YES1: variants seen among roughly 807,000 people sequenced by gnomAD.
YES1 encodes YES proto-oncogene 1, Src family tyrosine kinase.
YES1 carries 39 observed loss-of-function variants against 70.4 expected under a neutral mutation model. The observed-to-expected ratio is 0.55, with a 90% CI of 0.43 to 0.72. The LOEUF is 0.72. Ranked by LOEUF, YES1 falls within the 30% of genes least tolerant of loss-of-function variation. The pLI is 0.00. For synonymous variants in YES1, 198 were observed against 218.6 expected, an observed-to-expected ratio of 0.91 and a Z score of 0.83; for missense variants, 495 against 644.8, an observed-to-expected ratio of 0.77 and a Z score of 2.52.
At chr18:766,763 G>C (rs1288809528) in intron 1 of YES1, among the ~76,000 whole-genome samples, 1 of 152,010 alleles carries the variant, frequency 6.6e-6, no homozygotes, top group Non-Finnish European at 1.5e-5. Context: ...TAAAGTGTCT[G>C]TTCAAATCAA....
chr18:797,402 A>C (rs1245973807), intron 1 of YES1, among the ~76,000 whole-genome samples: 1 of 152,148 alleles, frequency 6.6e-6, no homozygotes, highest in East Asian at 1.9e-4. Flanking sequence ...TCACCAAAAG[A>C]AAAAGCAACA....
At chr18:739,911 G>C (rs554793420) in intron 8 of YES1, 100 bp from the exon 9 acceptor site, 2 of 861,474 alleles carry the variant, frequency 2.3e-6, no homozygotes, top group Non-Finnish European at 3.3e-6. Flanking sequence ...AAACTTCTTA[G>C]CTTTTCATTT....
intron 1 of YES1, among the ~76,000 whole-genome samples, chr18:789,189 A>G (rs1906115141): frequency 6.6e-6 from 1 of 152,214 alleles, no homozygotes; most frequent in African/African-American, 2.4e-5. Context: ...AATGGTACAC[A>G]AGGTATTTTT....
intron 1 of YES1, among the ~76,000 whole-genome samples, chr18:784,513 C>T (rs918222234): frequency 2.0e-5 from 3 of 152,338 alleles, no homozygotes; most frequent in Admixed American, 6.5e-5. Context: ...TAAAACAATA[C>T]AAACGTATTT....
At chr18:804,034 T>C (rs1329915351) in intron 1 of YES1, among the ~76,000 whole-genome samples, 1 of 152,238 alleles carries the variant, frequency 6.6e-6, no homozygotes, top group African/African-American at 2.4e-5. Flanking sequence ...TTTCTTTGTT[T>C]TAGAAAATCT....
Position 756,629 on chromosome 18 carries a change from C to T in YES1, c.199G>A (p.Gly67Arg), listed in dbSNP as rs201966473. 3.7e-4 allele frequency: 591 copies of T among 1,614,192 alleles called. 1 individual carries two copies. Among genetic ancestry groups the T allele is most frequent in the Non-Finnish European group, 4.1e-4 (487 of 1,180,040 alleles). Residue 67 changes from glycine (G) to arginine (R), a missense_variant, in exon 2 of 12, where the codon GGG becomes AGG. Transcript: ENST00000314574. ...GATGCACCTCCAAAAGGCGTTACCC[C>T]TGAGGATCCTCCAAATGGTGTCATG... is the stretch of plus-strand genomic sequence containing the variant. ...LSMTPFGGSSGVTPFGGASSS... is the reference protein window; with the variant it reads ...LSMTPFGGSSRVTPFGGASSS...
chr18:750,425 T>C (rs1371492374), intron 3 of YES1, among the ~76,000 whole-genome samples: 1 of 152,214 alleles, frequency 6.6e-6, no homozygotes, highest in Non-Finnish European at 1.5e-5. Flanking sequence ...GACTTGATCA[T>C]TCTTTGTTGT....
chr18:727,650 G>T (rs2080037061), intron 11 of YES1, among the ~76,000 whole-genome samples: 1 of 152,018 alleles, frequency 6.6e-6, no homozygotes, highest in Non-Finnish European at 1.5e-5. Flanking sequence ...TTGGTTTATT[G>T]TATGTTACTC....
intron 1 of YES1, among the ~76,000 whole-genome samples, chr18:769,166 C>T (rs1037807573): frequency 1.3e-5 from 2 of 152,194 alleles, no homozygotes; most frequent in Non-Finnish European, 2.9e-5. Flanking sequence ...TATGTAAGCA[C>T]ACTGCATGAT....
chr18:810,392 T>C (rs1038094957), intron 1 of YES1, among the ~76,000 whole-genome samples: 6 of 152,332 alleles, frequency 3.9e-5, no homozygotes, highest in Middle Eastern at 3.4e-3. Flanking sequence ...GTATTAATAT[T>C]ATACTTCGAC....
chr18:757,497 C>T (rs1211647121), intron 1 of YES1, among the ~76,000 whole-genome samples: 27 of 117,324 alleles, frequency 2.3e-4, no homozygotes, highest in Admixed American at 5.9e-4. Context: ...AGCGAGACTC[C>T]GTCTCAAAAA....
intron 3 of YES1, among the ~76,000 whole-genome samples, chr18:749,621 C>G (rs1462456112): frequency 6.6e-6 from 1 of 151,784 alleles, no homozygotes; most frequent in Admixed American, 6.6e-5. Flanking sequence ...TTTGGGAGAC[C>G]GAGGCAGGCG....
chr18:732,448 A>AC (rs1435405944), intron 11 of YES1, among the ~76,000 whole-genome samples: 5 of 146,080 alleles, frequency 3.4e-5, no homozygotes, highest in East Asian at 4.0e-4. Context: ...AAAAAAAAAA[A>AC]AAAAAAAAAC....
chr18:784,808 G>A (rs995594458), intron 1 of YES1, among the ~76,000 whole-genome samples: 1 of 152,142 alleles, frequency 6.6e-6, no homozygotes, highest in Non-Finnish European at 1.5e-5. Context: ...GATAAGCCAG[G>A]ATAAACTCTC....
rs1432339941 is a variant in YES1 at position 722,979 on chromosome 18, C to T, written c.*1445G>A. 1 of 152,216 alleles carries T rather than the reference C, an allele frequency of 6.6e-6. No individual in the cohort carries two copies. The highest frequency in any genetic ancestry group is 1.5e-5 in the Non-Finnish European group (1 of 68,090). The allele number at this position is 152,216 out of a possible 1,614,324, so 9.4% of individuals were successfully genotyped here. On this transcript the variant is annotated 3_prime_UTR_variant, in exon 12 of 12. Coordinates refer to ENST00000314574, the MANE Select transcript of YES1 (RefSeq NM_005433.4). ...TGGTGGTGGGCACCTGTAGTCCCAG[C>T]TACTCGGGAGGCTGAGGCAGGAGAA...
chr18:771,526 G>A (rs890686617), intron 1 of YES1, among the ~76,000 whole-genome samples: 3 of 152,050 alleles, frequency 2.0e-5, no homozygotes, highest in Admixed American at 6.6e-5. Flanking sequence ...AAACCACTCC[G>A]TGGCATTTTT....
At chr18:789,575 T>A (rs542909748) in intron 1 of YES1, among the ~76,000 whole-genome samples, 35 of 152,216 alleles carry the variant, frequency 2.3e-4, no homozygotes, top group Non-Finnish European at 3.7e-4. Flanking sequence ...AGAGCAAGAC[T>A]CTGTCTCAAA....
chr18:792,501 C>T (rs1906302992), intron 1 of YES1, among the ~76,000 whole-genome samples: 1 of 151,782 alleles, frequency 6.6e-6, no homozygotes, highest in Non-Finnish European at 1.5e-5. Context: ...CACTATACTC[C>T]AGCCTCAGAA....
At chr18:768,824 T>C (rs1159397076) in intron 1 of YES1, among the ~76,000 whole-genome samples, 1 of 152,126 alleles carries the variant, frequency 6.6e-6, no homozygotes, top group African/African-American at 2.4e-5. Context: ...TGCCTCAGCC[T>C]CCCGAGTAGC....
Sources: allele counts gnomAD v4.1 joint callset (sites outside exome capture counted in the v4.1 genomes callset), GRCh38; gene constraint gnomAD v4.1.1; transcripts MANE v1.5; gene names NCBI Gene and HGNC (gene_info 2026-07-23, HGNC 2026-07-21).